The following COL26A1 variants were observed in gnomAD, a reference collection of about 807,000 sequenced individuals.
COL26A1 encodes collagen alpha-1(XXVI) chain.
In COL26A1, 41 loss-of-function variants were observed where a neutral mutation model predicts 59.3. That is an observed-to-expected ratio of 0.69 (90% confidence interval 0.54 to 0.90). The LOEUF is 0.90. Ranked by LOEUF, COL26A1 falls within the 40% of genes least tolerant of loss-of-function variation. COL26A1 has a pLI of 0.00. For synonymous variants in COL26A1, 266 were observed against 256.0 expected (o/e 1.04, Z -0.37); for missense variants, 612 against 602.3 (o/e 1.02, Z -0.17).
chr7:101,475,789 C>T lies in COL26A1; in HGVS notation c.385+28002C>T, dbSNP rs143178983. Among the ~76,000 whole-genome samples, 146 of 78,514 alleles carry T rather than the reference C, an allele frequency of 1.9e-3. 1 individual carries two copies. The highest frequency in any genetic ancestry group is 6.6e-3 in the Middle Eastern group (1 of 152). The allele number at this position is 78,514 out of a possible 152,430, so 51.5% of individuals were successfully genotyped here. ...TTCTCTTTCTTTCTTTCTTTCTTTC[C>T]TTCCTTCCTTCCTTCCTTCTTTCTT... On this transcript the variant is annotated intron_variant, in intron 3 of 12. Coordinates refer to ENST00000313669, the MANE Select transcript of COL26A1 (RefSeq NM_001278563.3).
Position 101,558,516 on chromosome 7 carries a change from A to G in COL26A1, c.*986A>G, listed in dbSNP as rs1473835506. ...TATAGGTTTGCTACTTTTGCATGAC[A>G]CAGCAAGCCCAGTGTCCCCTTTGCA... On this transcript the variant is annotated 3_prime_UTR_variant, in exon 13 of 13. Coordinates refer to ENST00000313669, the MANE Select transcript of COL26A1 (RefSeq NM_001278563.3). 6.6e-6 allele frequency: 1 copy of G among 152,182 alleles called. No individual in the cohort carries two copies. Among genetic ancestry groups the G allele is most frequent in the Non-Finnish European group, 1.5e-5 (1 of 68,050 alleles). 9.4% of individuals were successfully genotyped at this position (152,182 alleles called of 1,614,324 possible). A position where few individuals can be genotyped will look rare whatever the true frequency, so the allele number is the denominator to read the frequency against.
intron 2 of COL26A1, among the ~76,000 whole-genome samples, chr7:101,427,256 T>G (rs1002388888): frequency 1.3e-5 from 2 of 152,198 alleles, no homozygotes; most frequent in Non-Finnish European, 2.9e-5. Context: ...AGATATGAGA[T>G]CTTGCTTTGT....
At chr7:101,400,213 T>C (rs770893362) in intron 1 of COL26A1, among the ~76,000 whole-genome samples, 1 of 151,976 alleles carries the variant, frequency 6.6e-6, no homozygotes, top group Non-Finnish European at 1.5e-5. Flanking sequence ...GGCCCAGATG[T>C]GGAGAGAGGC....
In COL26A1 at chr7:101,544,089, G is replaced by T. The variant is rs2130663697; in HGVS notation, c.696G>T (p.Gly232=). 6.2e-7 allele frequency: 1 copy of T among 1,600,602 alleles called. No homozygotes were observed. The highest frequency in any genetic ancestry group is 8.5e-7 in the Non-Finnish European group (1 of 1,174,060). Residue 232 remains glycine, a synonymous_variant, in exon 6 of 13, where the codon GGG becomes GGT. Transcript: ENST00000313669. ...AGACAGGAGAGAAGGGTCCAGCGGG[G>T]CCGCCTGGTAAGAAAACCCCCCACA... ...RGQTGEKGPA[G]PPGLLGPPGP...
At chr7:101,387,034 C>G (rs1791593819) in intron 1 of COL26A1, among the ~76,000 whole-genome samples, 1 of 152,062 alleles carries the variant, frequency 6.6e-6, no homozygotes, top group Non-Finnish European at 1.5e-5. Context: ...CCAGGAAACG[C>G]GCCTGCTTTG....
At chr7:101,387,744 A>T (rs1246990491) in intron 1 of COL26A1, among the ~76,000 whole-genome samples, 1 of 102,370 alleles carries the variant, frequency 9.8e-6, no homozygotes, top group African/African-American at 4.1e-5. Flanking sequence ...AATTATATAT[A>T]TATATATATT....
At chr7:101,409,342 T>G (rs1287832305) in intron 1 of COL26A1, among the ~76,000 whole-genome samples, 1 of 152,204 alleles carries the variant, frequency 6.6e-6, no homozygotes, top group Admixed American at 6.5e-5. Context: ...GCAAAGTGGA[T>G]GGAGCATGGG....
At chr7:101,443,070 AGT>A (rs1157873334) in intron 2 of COL26A1, among the ~76,000 whole-genome samples, 1 of 151,910 alleles carries the variant, frequency 6.6e-6, no homozygotes, top group Non-Finnish European at 1.5e-5. Context: ...CATGTATGTG[AGT>A]GTGTGTTTAT....
At chr7:101,520,662 A>ACACACACACACACCC (rs915256077) in intron 3 of COL26A1, among the ~76,000 whole-genome samples, 7 of 143,238 alleles carry the variant, frequency 4.9e-5, no homozygotes, top group African/African-American at 1.8e-4. Flanking sequence ...ACACACACAC[A>ACACACACACACACCC]CCCCCGTGTT....
intron 1 of COL26A1, among the ~76,000 whole-genome samples, chr7:101,406,436 A>G (rs1189563630): frequency 6.6e-6 from 1 of 152,032 alleles, no homozygotes; most frequent in Non-Finnish European, 1.5e-5. Context: ...CCTCAGAGAC[A>G]CTCATTTTGC....
intron 3 of COL26A1, among the ~76,000 whole-genome samples, chr7:101,470,114 T>G (rs554261178): frequency 1.9e-4 from 29 of 151,428 alleles, no homozygotes; most frequent in African/African-American, 2.7e-4. Flanking sequence ...TTGTTTTTTT[T>G]TTTTTTTCGA....
chr7:101,396,127 TGTG>T (rs1791849975), intron 1 of COL26A1, among the ~76,000 whole-genome samples: 1 of 151,636 alleles, frequency 6.6e-6, no homozygotes, highest in South Asian at 2.1e-4. Context: ...CCAGGTGTGG[TGTG>T]GTGGTGAGTG....
intron 3 of COL26A1, among the ~76,000 whole-genome samples, chr7:101,495,200 A>G (rs373521214): frequency 6.6e-6 from 1 of 152,148 alleles, no homozygotes; most frequent in Admixed American, 6.6e-5. Context: ...CCCAACACAC[A>G]GGGCTAGAGC....
rs143134837 is a variant in COL26A1, at chr7:101,430,918, C to A, written c.281+10819C>A. On this transcript the variant is annotated intron_variant, in intron 2 of 12. Transcript: ENST00000313669. ...AAGCAATTCTTCTGCCTCAGCCTCC[C>A]GAGTAGCTGGGATTACAGGTGGCCC... Among the ~76,000 whole-genome samples the A allele has an allele frequency of 4.7e-3, 712 of 152,088 alleles. 1 individual carries two copies. The highest frequency in any genetic ancestry group is 8.2e-3 in the Non-Finnish European group (557 of 67,984).
chr7:101,496,967 A>G (rs1308663862), intron 3 of COL26A1, among the ~76,000 whole-genome samples: 2 of 152,014 alleles, frequency 1.3e-5, no homozygotes, highest in East Asian at 1.9e-4. Context: ...TCCAGGCCCA[A>G]TGGCTCACGC....
intron 3 of COL26A1, among the ~76,000 whole-genome samples, chr7:101,464,097 C>T (rs916086912): frequency 4.0e-5 from 6 of 151,708 alleles, no homozygotes; most frequent in Non-Finnish European, 8.8e-5. Flanking sequence ...TCCCAAGTAG[C>T]TGGGTCTACA....
At chr7:101,419,283 T>C (rs943337911) in intron 1 of COL26A1, among the ~76,000 whole-genome samples, 2 of 151,852 alleles carry the variant, frequency 1.3e-5, no homozygotes, top group Non-Finnish European at 2.9e-5. Flanking sequence ...AATTTTTTAA[T>C]TTTTATTTTG....
chr7:101,510,018 G>T (rs962279010), intron 3 of COL26A1, among the ~76,000 whole-genome samples: 1 of 126,334 alleles, frequency 7.9e-6, no homozygotes, highest in African/African-American at 4.3e-5. Context: ...ATAAGCCATC[G>T]CGCCCAGTCT....
intron 1 of COL26A1, among the ~76,000 whole-genome samples, chr7:101,366,037 C>A (rs1357772336): frequency 6.6e-6 from 1 of 152,152 alleles, no homozygotes; most frequent in Non-Finnish European, 1.5e-5. Flanking sequence ...AGGATAAGAA[C>A]AGGGAGAGGA....
Sources: gnomAD v4.1 joint callset for allele counts (sites outside exome capture counted in the v4.1 genomes callset) on GRCh38, gnomAD v4.1.1 for gene constraint, MANE v1.5 for transcripts, NCBI Gene and HGNC (gene_info 2026-07-23, HGNC 2026-07-21) for gene names.